Variants in RBFOX1 observed in about 807,000 individuals in gnomAD.
RBFOX1 encodes RNA binding fox-1 homolog 1.
RBFOX1 carries 8 observed loss-of-function variants against 57.7 expected under a neutral mutation model. That is an observed-to-expected ratio of 0.14 (90% CI 0.08 to 0.25). The LOEUF (loss-of-function observed/expected upper bound fraction) is 0.25, where lower values mean the gene tolerates loss of function less well. RBFOX1 is among the 10% of genes least tolerant of loss of function. The probability of loss-of-function intolerance (pLI) is 1.00; values close to 1 mark genes in which losing one functional copy is unlikely to be tolerated. For missense variants in RBFOX1, 611 were observed against 548.5 expected (o/e 1.11, Z -1.14); for synonymous variants, 326 against 222.4 (o/e 1.47, Z -4.15).
Position 5,947,329 on chromosome 16 carries a change from C to T in RBFOX1, c.351+79994C>T, listed in dbSNP as rs1266357650. 2.0e-5 allele frequency among the ~76,000 whole-genome samples: 3 copies of T among 152,166 alleles called. No individual in the cohort carries two copies. The highest frequency in any genetic ancestry group is 4.4e-5 in the Non-Finnish European group (3 of 68,038). Reference sequence around the variant, plus strand: ...GGTCAGATCGCCATCGAATGGACACCTCTTTTTACAACCATGTGTTCTACA... The same window carrying T: ...GGTCAGATCGCCATCGAATGGACACTTCTTTTTACAACCATGTGTTCTACA... On this transcript the variant is annotated intron_variant, in intron 4 of 19. Transcript: ENST00000641259. This position sits in a 1 kb window ranked among gnomAD's most constrained non-coding sequence, Gnocchi z 7.2.
At chr16:5,340,789 C>T (rs970662940) in intron 1 of RBFOX1, among the ~76,000 whole-genome samples, 2 of 152,190 alleles carry the variant, frequency 1.3e-5, no homozygotes, top group Non-Finnish European at 2.9e-5. Flanking sequence ...TACATTAAGA[C>T]AGATCAATTT....
intron 3 of RBFOX1, among the ~76,000 whole-genome samples, chr16:7,026,177 T>C (rs1597359558): frequency 6.6e-6 from 1 of 152,156 alleles, no homozygotes. Context: ...ACCCAACTTC[T>C]TGGGGCCTAC....
chr16:5,261,946 T>C (rs1245129715), intron 1 of RBFOX1, among the ~76,000 whole-genome samples: 2 of 152,034 alleles, frequency 1.3e-5, no homozygotes, highest in East Asian at 3.9e-4. Flanking sequence ...CCATGTGCTA[T>C]ATTCCATGAG....
rs531848029 is a variant in RBFOX1, at chr16:7,120,610, G to C, written c.27+68512G>C. Among the ~76,000 whole-genome samples the C allele has an allele frequency of 1.1e-4, 17 of 149,940 alleles. No individual in the cohort carries two copies. In the East Asian group the frequency reaches 3.1e-3, roughly 28 times the overall value. ...ACAGGATAAGCTAAATGGTTCAATA[G>C]ACTTATTTAAAATATCCTGCCAAAA... On this transcript the variant is annotated intron_variant, in intron 4 of 15. Coordinates refer to ENST00000550418, the MANE Select transcript of RBFOX1 (RefSeq NM_018723.4).
intron 3 of RBFOX1, among the ~76,000 whole-genome samples, chr16:5,771,035 G>A (rs1036234393): frequency 2.6e-5 from 4 of 152,158 alleles, no homozygotes; most frequent in African/African-American, 7.2e-5. Context: ...GAGTCTCCTG[G>A]AGGAGACGCA....
chr16:6,963,830 C>T (rs146890355), intron 3 of RBFOX1, among the ~76,000 whole-genome samples: 2,668 of 150,722 alleles, frequency 0.018, 39 homozygotes, highest in Non-Finnish European at 0.028. Context: ...TCTCGAGTAG[C>T]TGGGGCTACA....
chr16:6,109,878 G>A (rs190880814), intron 1 of RBFOX1, among the ~76,000 whole-genome samples: 2 of 152,266 alleles, frequency 1.3e-5, no homozygotes, highest in Admixed American at 1.3e-4. Context: ...TTAAAACAGA[G>A]CAGAAATCTT....
At chr16:6,134,610 G>A (rs1014460535) in intron 1 of RBFOX1, among the ~76,000 whole-genome samples, 1 of 152,082 alleles carries the variant, frequency 6.6e-6, no homozygotes, top group Non-Finnish European at 1.5e-5. Context: ...AGGCAGTGAG[G>A]GGGTGAAGGA....
At chr16:6,039,496 A>C (rs111738829) in intron 1 of RBFOX1, among the ~76,000 whole-genome samples, 6 of 152,276 alleles carry the variant, frequency 3.9e-5, no homozygotes, top group South Asian at 2.1e-4. Flanking sequence ...TGATTTGGGT[A>C]GTTTTGAATC....
chr16:7,572,386 G>A (rs1483708829), intron 5 of RBFOX1, among the ~76,000 whole-genome samples: 1 of 152,162 alleles, frequency 6.6e-6, no homozygotes, highest in Non-Finnish European at 1.5e-5. Context: ...ACGGACTCCA[G>A]GTCAGCAGTT....
chr16:6,335,874 G>C (rs976297366), intron 2 of RBFOX1, among the ~76,000 whole-genome samples: 1 of 150,464 alleles, frequency 6.6e-6, no homozygotes, highest in African/African-American at 2.4e-5. Context: ...CCTGCATTGT[G>C]ATATTTCCTA....
At chr16:7,336,246 T>C (rs1301433213) in intron 4 of RBFOX1, among the ~76,000 whole-genome samples, 1 of 152,164 alleles carries the variant, frequency 6.6e-6, no homozygotes, top group African/African-American at 2.4e-5. Context: ...ACAACAGCTT[T>C]GTAACTGGTT....
In RBFOX1 at chr16:7,038,565, A is replaced by G. The variant is rs200191589; in HGVS notation, c.-15-13492A>G. On this transcript the variant is annotated intron_variant, in intron 3 of 15. Coordinates refer to ENST00000550418, the MANE Select transcript of RBFOX1 (RefSeq NM_018723.4). ...CAGATGCCAAGACATTTCGTGGTTT[A>G]GCTTGTAAAGGTGCTTACATGTGTC... 3.3e-5 allele frequency among the ~76,000 whole-genome samples: 5 copies of G among 152,316 alleles called. No homozygotes were observed. The East Asian group carries it at 9.7e-4, about 29-fold the overall frequency.
chr16:5,856,553 GTGTGTGTGTA>G (rs1159553107), intron 3 of RBFOX1, among the ~76,000 whole-genome samples: 8 of 63,172 alleles, frequency 1.3e-4, no homozygotes, highest in Non-Finnish European at 2.4e-4. Flanking sequence ...GTGTGTGTGT[GTGTGTGTGTA>G]TGTGTGTGTG....
At chr16:6,273,664 C>T (rs554655530) in intron 1 of RBFOX1, among the ~76,000 whole-genome samples, 3 of 151,910 alleles carry the variant, frequency 2.0e-5, no homozygotes, top group East Asian at 1.9e-4. Context: ...TTAGAATTAG[C>T]ACCAAAAGCA....
intron 3 of RBFOX1, among the ~76,000 whole-genome samples, chr16:6,890,759 C>T (rs1352738057): frequency 1.3e-5 from 2 of 152,140 alleles, no homozygotes; most frequent in African/African-American, 4.8e-5. Context: ...CTGTCACCTT[C>T]TGATTTAAGC....
intron 3 of RBFOX1, among the ~76,000 whole-genome samples, chr16:6,938,734 C>A (rs934275920): frequency 6.6e-6 from 1 of 152,058 alleles, no homozygotes; most frequent in African/African-American, 2.4e-5. Flanking sequence ...AAGTTTGAAA[C>A]CAGTTTGGCT....
At chr16:7,330,663 T>C (rs1263512989) in intron 4 of RBFOX1, among the ~76,000 whole-genome samples, 1 of 152,130 alleles carries the variant, frequency 6.6e-6, no homozygotes, top group African/African-American at 2.4e-5. Context: ...GTTACCTCTC[T>C]TCTATGCTCA....
chr16:7,143,231 A>C (rs1176128435), intron 4 of RBFOX1, among the ~76,000 whole-genome samples: 1 of 151,900 alleles, frequency 6.6e-6, no homozygotes, highest in Non-Finnish European at 1.5e-5. Context: ...TTGTGTTTTG[A>C]TCAGGGAAAA....
Sources: allele counts gnomAD v4.1 joint callset (sites outside exome capture counted in the v4.1 genomes callset), GRCh38; gene constraint gnomAD v4.1.1; non-coding constraint Gnocchi (gnomAD v3.1); transcripts MANE v1.5; gene names NCBI Gene and HGNC (gene_info 2026-07-23, HGNC 2026-07-21).